The following RNF213 variants were observed in gnomAD, a reference collection of about 807,000 sequenced individuals.
RNF213 encodes E3 ubiquitin-protein ligase RNF213.
RNF213 carries 341 observed loss-of-function variants against 514.4 expected under a neutral mutation model. The observed-to-expected ratio is 0.66, with a 90% CI of 0.61 to 0.73. RNF213 has a LOEUF of 0.73. Ranked by LOEUF, RNF213 falls within the 30% of genes least tolerant of loss-of-function variation. The pLI is 0.00. For synonymous variants in RNF213, 2,655 were observed against 2,658.2 expected, an observed-to-expected ratio of 1.00 and a Z score of 0.04; for missense variants, 5,767 against 6,615.6, an observed-to-expected ratio of 0.87 and a Z score of 4.45.
rs1039752623 is a variant in RNF213, at chr17:80,354,382, C to T, written c.10727-59C>T. ...TCCTGGGGGAGGTGGGACAGAAGCA[C>T]TCCGGAGCCAACAGCTCAGCCACGG... On this transcript the variant is annotated intron_variant, in intron 35 of 67. Coordinates refer to ENST00000582970, the MANE Select transcript of RNF213 (RefSeq NM_001256071.3). 8.7e-6 allele frequency: 14 copies of T among 1,612,990 alleles called. No individual in the cohort carries two copies. The Admixed American group carries it at 2.3e-4, about 27-fold the overall frequency.
In RNF213 at chr17:80,393,677, G is replaced by A; in HGVS notation, c.*179G>A. 1.6e-6 allele frequency: 1 copy of A among 620,200 alleles called. No homozygotes were observed. Among genetic ancestry groups the A allele is most frequent in the South Asian group, 1.9e-5 (1 of 52,390 alleles). 38.4% of individuals were successfully genotyped at this position (620,200 alleles called of 1,614,324 possible). ...CTGACAGCTTTTTGAAAGCCGAGCT[G>A]TTTCTGAACCATGTACATACATGTT... On this transcript the variant is annotated 3_prime_UTR_variant, in exon 68 of 68. Transcript: ENST00000582970.
Position 80,353,978 on chromosome 17 carries a change from T to A in RNF213, c.10579-41T>A, listed in dbSNP as rs1341884553. On this transcript the variant is annotated intron_variant, in intron 34 of 67. Transcript: ENST00000582970. The surrounding 1 kb of genome is among the most constrained non-coding windows in gnomAD (Gnocchi z 5.0). ...GGCGGTTTGGCTTTTGCCCACTGTG[T>A]CAGTGGCAGAAACGGATGACCCAAC... The A allele has an allele frequency of 1.9e-6, 3 of 1,612,510 alleles. No homozygotes were observed. Among genetic ancestry groups the A allele is most frequent in the Non-Finnish European group, 2.5e-6 (3 of 1,179,372 alleles).
At chr17:80,344,134 C>G in intron 28 of RNF213, 119 bp downstream of exon 28, 1 of 1,037,100 alleles carries the variant, frequency 9.6e-7, no homozygotes, top group Non-Finnish European at 1.4e-6. Context: ...AGTGCAGCAG[C>G]TGAATGCAGT....
intron 31 of RNF213, 90 bp downstream of exon 31, chr17:80,350,486 A>T: frequency 1.3e-6 from 1 of 773,854 alleles, no homozygotes; most frequent in Non-Finnish European, 2.3e-6. Flanking sequence ...ACAGTATAGT[A>T]TCATAATCAG....
At chr17:80,297,680 G>A (rs62076483) in intron 10 of RNF213, among the ~76,000 whole-genome samples, 12,657 of 149,460 alleles carry the variant, frequency 0.085, 699 homozygotes, top group Non-Finnish European at 0.13. Context: ...CCAGCTACTC[G>A]GGAGGCTGAG....
chr17:80,328,185 C>A, intron 19 of RNF213, 143 bp from the exon 20 acceptor site: 1 of 1,138,744 alleles, frequency 8.8e-7, no homozygotes, highest in Non-Finnish European at 1.2e-6. Context: ...AAAATAATGG[C>A]CATCTCGAAA....
chr17:80,333,694 C>CAA (rs1186047325), intron 21 of RNF213: 23 of 145,630 alleles, frequency 1.6e-4, no homozygotes, highest in South Asian at 3.0e-4. Flanking sequence ...ACTCTTATCT[C>CAA]AAAAAAAAAA....
chr17:80,291,491 G>T, intron 7 of RNF213, 137 bp from the exon 8 acceptor site: 1 of 854,792 alleles, frequency 1.2e-6, no homozygotes. Flanking sequence ...CCATGGTGTT[G>T]GGATTTCAGG....
chr17:80,305,259 A>G (rs1440176019), intron 11 of RNF213, among the ~76,000 whole-genome samples: 2 of 142,846 alleles, frequency 1.4e-5, no homozygotes, highest in African/African-American at 5.5e-5. Context: ...GCTCACCGCA[A>G]CCTCTGCCTC....
rs766657380 is a variant in RNF213, at chr17:80,346,363, C to T, written c.8028C>T (p.Thr2676=). ...AGTCCAGCGTCAGCAAAAATCACACCGAGAGAGATCCCGTCCTCTGGTCGT... is the reference window on the plus strand; with the variant it reads ...AGTCCAGCGTCAGCAAAAATCACACTGAGAGAGATCCCGTCCTCTGGTCGT... ...LSKSSVSKNH[T]ERDPVLWSLM... is the part of the protein sequence containing the mutation. Residue 2676 remains threonine, a synonymous_variant, in exon 29 of 68, where the codon ACC becomes ACT. Coordinates refer to ENST00000582970, the MANE Select transcript of RNF213 (RefSeq NM_001256071.3). The surrounding 1 kb of genome is among the most constrained non-coding windows in gnomAD (Gnocchi z 8.1). The T allele has an allele frequency of 3.1e-6, 5 of 1,613,458 alleles. No homozygotes were observed. The highest frequency in any genetic ancestry group is 1.3e-5 in the African/African-American group (1 of 75,022).
chr17:80,375,724 C>T, intron 50 of RNF213, 36 bp from the exon 51 acceptor site: 1 of 1,425,368 alleles, frequency 7.0e-7, no homozygotes, highest in Non-Finnish European at 9.9e-7. Context: ...ATGTGTTGAG[C>T]TTTTAAATTC....
intron 15 of RNF213, chr17:80,316,464 A>G (rs1427953539): frequency 6.5e-6 from 1 of 152,944 alleles, no homozygotes; most frequent in African/African-American, 2.4e-5. Context: ...TAGAAAAGAG[A>G]TGTGATAAGT....
In RNF213 at chr17:80,307,135, A is replaced by T. The variant is rs1271941602; in HGVS notation, c.2435A>T (p.Gln812Leu). The change falls in exon 13 of 68, where the codon CAG becomes CTG. Residue 812 changes from glutamine (Q) to leucine (L), a missense_variant. By Grantham distance (113) the Gln-to-Leu change is moderately radical. Coordinates refer to ENST00000582970, the MANE Select transcript of RNF213 (RefSeq NM_001256071.3). ...LEQVLNTQDV[Q>L]DVQNVQNILE... ...TTTTTTTCTCTGCCTTAGGATGTTCAGGATGTTCAGAACGTTCAGAACATT... is the reference window on the plus strand; with the variant it reads ...TTTTTTTCTCTGCCTTAGGATGTTCTGGATGTTCAGAACGTTCAGAACATT... 1 of 1,613,548 alleles carries T rather than the reference A, an allele frequency of 6.2e-7. No homozygotes were observed. The highest frequency in any genetic ancestry group is 1.3e-5 in the African/African-American group (1 of 74,966).
At chr17:80,294,693 G>A (rs773231879) in intron 8 of RNF213, 27 bp from the exon 9 acceptor site, 7 of 1,613,038 alleles carry the variant, frequency 4.3e-6, no homozygotes, top group Non-Finnish European at 5.9e-6. Flanking sequence ...GTCTTAGGTA[G>A]GCTCTTGTTC....
At position 80,388,685 on chromosome 17, in the gene RNF213, C is replaced by T. The variant is rs2080338194; in HGVS notation, c.14996C>T (p.Ala4999Val). 1.2e-6 allele frequency: 2 copies of T among 1,607,138 alleles called. No homozygotes were observed. Among genetic ancestry groups the T allele is most frequent in the East Asian group, 4.5e-5 (2 of 44,866 alleles). ...TTTATGGACATCAAGAACAAAATGG[C>T]ACAGGTGATCCCGATAAACCTGATC... is the stretch of plus-strand genomic sequence containing the variant. Reference protein sequence around the residue: ...HLFMDIKNKMAQDSLPSSVIS... With the variant: ...HLFMDIKNKMVQDSLPSSVIS... The change falls in exon 64 of 68, where the codon GCA becomes GTA. Residue 4999 changes from alanine to valine, a missense_variant. Coordinates refer to ENST00000582970, the MANE Select transcript of RNF213 (RefSeq NM_001256071.3).
intron 37 of RNF213, among the ~76,000 whole-genome samples, chr17:80,359,825 C>G (rs898821991): frequency 6.6e-6 from 1 of 152,152 alleles, no homozygotes; most frequent in Non-Finnish European, 1.5e-5. Context: ...CACTTGACCC[C>G]TGTCAGCCTT....
At chr17:80,326,036 G>A (rs2046272162) in intron 18 of RNF213, among the ~76,000 whole-genome samples, 1 of 152,020 alleles carries the variant, frequency 6.6e-6, no homozygotes, top group Admixed American at 6.6e-5. Flanking sequence ...TCAGCTCACT[G>A]CAACCTCTGC....
chr17:80,270,153 G>A (rs879812014), intron 2 of RNF213, among the ~76,000 whole-genome samples: 2 of 152,226 alleles, frequency 1.3e-5, no homozygotes, highest in African/African-American at 2.4e-5. Flanking sequence ...CGTGCCCTGC[G>A]CATGCCTTGC....
chr17:80,292,222 T>C (rs2143330036), intron 8 of RNF213, among the ~76,000 whole-genome samples: 1 of 152,154 alleles, frequency 6.6e-6, no homozygotes, highest in South Asian at 2.1e-4. Flanking sequence ...GTAGCTGGGA[T>C]TACAGGAGCC....
Sources: gnomAD v4.1 joint callset for allele counts (sites outside exome capture counted in the v4.1 genomes callset) on GRCh38, gnomAD v4.1.1 for gene constraint, Gnocchi (gnomAD v3.1) non-coding constraint, MANE v1.5 for transcripts, NCBI Gene and HGNC (gene_info 2026-07-23, HGNC 2026-07-21) for gene names.